Variants in HPCAL1 observed in about 807,000 individuals in gnomAD.
HPCAL1 encodes hippocalcin like 1.
Under a neutral mutation model 17.1 loss-of-function variants are expected in HPCAL1, and 8 were observed. The ratio of observed to expected loss-of-function variants is 0.47; its 90% CI spans 0.27 to 0.84. HPCAL1 has a LOEUF of 0.84. HPCAL1 is among the 40% of genes least tolerant of loss of function. The pLI is 0.13. For synonymous variants in HPCAL1, 112 were observed against 111.4 expected (o/e 1.01, Z -0.03); for missense variants, 165 against 271.1 (o/e 0.61, Z 2.75).
intron 1 of HPCAL1, among the ~76,000 whole-genome samples, chr2:10,391,822 T>C (rs1451714457): frequency 6.6e-6 from 1 of 151,882 alleles, no homozygotes; most frequent in Non-Finnish European, 1.5e-5. Flanking sequence ...GATCTCAGCT[T>C]ACTGCAACCT....
chr2:10,308,313 C>T (rs982868287), intron 1 of HPCAL1, among the ~76,000 whole-genome samples: 4 of 152,102 alleles, frequency 2.6e-5, no homozygotes, highest in Non-Finnish European at 4.4e-5. Flanking sequence ...TCTAAGTGTA[C>T]AGTTTAATGA....
At chr2:10,390,189 C>A (rs1668600920) in intron 1 of HPCAL1, among the ~76,000 whole-genome samples, 1 of 152,214 alleles carries the variant, frequency 6.6e-6, no homozygotes. Flanking sequence ...CAGACCTTCA[C>A]CTGTGTGAAG....
intron 1 of HPCAL1, among the ~76,000 whole-genome samples, chr2:10,375,565 G>T (rs1294357537): frequency 2.0e-5 from 3 of 152,220 alleles, no homozygotes; most frequent in African/African-American, 4.8e-5. Flanking sequence ...TTTGCAGTGT[G>T]GCGTGTTGGG....
intron 1 of HPCAL1, among the ~76,000 whole-genome samples, chr2:10,387,606 G>C (rs1022831123): frequency 6.6e-6 from 1 of 152,186 alleles, no homozygotes; most frequent in Non-Finnish European, 1.5e-5. Flanking sequence ...GTATCATTAC[G>C]AACACAACTT....
In HPCAL1 at chr2:10,377,499, C is replaced by T. The variant is rs1189029650; in HGVS notation, c.-110-19336C>T. 6.6e-6 allele frequency among the ~76,000 whole-genome samples: 1 copy of T among 152,158 alleles called. No individual in the cohort carries two copies. The highest frequency in any genetic ancestry group is 2.4e-5 in the African/African-American group (1 of 41,438). ...TGCCATCTGAGTGTCACGACCACAC[C>T]CCCATCCCTGTCCTTTCACGCACTG... On this transcript the variant is annotated intron_variant, in intron 1 of 4. Coordinates refer to ENST00000307845, the MANE Select transcript of HPCAL1 (RefSeq NM_002149.4). The surrounding 1 kb of genome is among the most constrained non-coding windows in gnomAD (Gnocchi z 5.9).
chr2:10,308,402 T>C, intron 1 of HPCAL1, among the ~76,000 whole-genome samples: 1 of 152,166 alleles, frequency 6.6e-6, no homozygotes. Context: ...GAAAGATCCC[T>C]CTTTTGTACA....
intron 2 of HPCAL1, among the ~76,000 whole-genome samples, chr2:10,413,977 C>T (rs530227148): frequency 2.0e-5 from 3 of 152,388 alleles, no homozygotes; most frequent in African/African-American, 4.8e-5. Context: ...ATCACCATGT[C>T]GCCCTTGCCT....
intron 2 of HPCAL1, among the ~76,000 whole-genome samples, chr2:10,411,712 T>C (rs1670367149): frequency 1.3e-5 from 2 of 152,164 alleles, no homozygotes; most frequent in Non-Finnish European, 2.9e-5. Context: ...CAGCCTGGAA[T>C]ACACTGAGCA....
Position 10,310,120 on chromosome 2 carries a change from T to C in HPCAL1, c.-111+6943T>C, listed in dbSNP as rs944209687. On this transcript the variant is annotated intron_variant, in intron 1 of 4. Coordinates refer to ENST00000307845, the MANE Select transcript of HPCAL1 (RefSeq NM_002149.4). This position sits in a 1 kb window ranked among gnomAD's most constrained non-coding sequence, Gnocchi z 4.5. Reference sequence around the variant, plus strand: ...GGGGTTTTAGGCTGAGCTCAGATATTGACAGGAACTACAATTCAAACCCAG... The same window carrying C: ...GGGGTTTTAGGCTGAGCTCAGATATCGACAGGAACTACAATTCAAACCCAG... 6.6e-6 allele frequency among the ~76,000 whole-genome samples: 1 copy of C among 152,160 alleles called. No homozygotes were observed. Among genetic ancestry groups the C allele is most frequent in the African/African-American group, 2.4e-5 (1 of 41,434 alleles).
chr2:10,374,308 C>A (rs201855467), intron 1 of HPCAL1, among the ~76,000 whole-genome samples: 6 of 148,864 alleles, frequency 4.0e-5, no homozygotes, highest in African/African-American at 4.9e-5. Flanking sequence ...AAATACAGGG[C>A]AAAAAAAAAA....
chr2:10,336,910 A>C (rs1255420453), intron 1 of HPCAL1, among the ~76,000 whole-genome samples: 1 of 152,006 alleles, frequency 6.6e-6, no homozygotes, highest in Non-Finnish European at 1.5e-5. Flanking sequence ...ACACCTGGGT[A>C]ATTTTTACTT....
chr2:10,412,529 C>T (rs541072483), intron 2 of HPCAL1, among the ~76,000 whole-genome samples: 1 of 152,230 alleles, frequency 6.6e-6, no homozygotes, highest in Non-Finnish European at 1.5e-5. Flanking sequence ...TATGGAGGCT[C>T]AGGCCAGAAG....
intron 1 of HPCAL1, among the ~76,000 whole-genome samples, chr2:10,324,045 G>GA (rs1456710375): frequency 6.6e-6 from 1 of 152,242 alleles, no homozygotes; most frequent in East Asian, 1.9e-4. Flanking sequence ...TCCAGTTAAT[G>GA]AAAATTTAAA....
intron 4 of HPCAL1, chr2:10,424,271 C>T: frequency 2.9e-6 from 1 of 342,064 alleles, no homozygotes; most frequent in Non-Finnish European, 5.9e-6. Context: ...GCAGCCAGGT[C>T]ACAGTTTCAA....
Position 10,384,769 on chromosome 2 carries a change from TTC to T in HPCAL1, c.-110-12062_-110-12061del, listed in dbSNP as rs1668202497. On this transcript the variant is annotated intron_variant, in intron 1 of 4. Coordinates refer to ENST00000307845, the MANE Select transcript of HPCAL1 (RefSeq NM_002149.4). The surrounding 1 kb of genome is among the most constrained non-coding windows in gnomAD (Gnocchi z 4.4). ...GCACTTTTAAAGAAAGCCTCAAGAC[TTC>T]TCTTTCTGATTGTGAAGTGAGCTGA... Among the ~76,000 whole-genome samples, 1 of 152,116 alleles carries T rather than the reference TTC, an allele frequency of 6.6e-6. No homozygotes were observed.
At chr2:10,424,264 G>T in intron 4 of HPCAL1, 1 of 343,670 alleles carries the variant, frequency 2.9e-6, no homozygotes, top group Non-Finnish European at 5.8e-6. Context: ...ATTCCAGGCA[G>T]CCAGGTCACA....
chr2:10,419,984 G>T lies in HPCAL1; in HGVS notation c.227G>T (p.Gly76Val), dbSNP rs149639705. ...EHVFRTFDTN[G>V]DGTIDFREFI... The stretch of plus-strand genomic sequence containing the variant: ...GTCTTCCGCACCTTCGACACCAACG[G>T]CGACGGCACCATCGACTTCCGGGAG... The change falls in exon 3 of 5, where the codon GGC becomes GTC. Residue 76 changes from glycine (G) to valine (V), a missense_variant. Coordinates refer to ENST00000307845, the MANE Select transcript of HPCAL1 (RefSeq NM_002149.4). This position sits in a 1 kb window ranked among gnomAD's most constrained non-coding sequence, Gnocchi z 5.0. 4 of 1,613,880 alleles carry T rather than the reference G, an allele frequency of 2.5e-6. No homozygotes were observed. The African/African-American group carries it at 5.3e-5, about 22-fold the overall frequency.
intron 1 of HPCAL1, among the ~76,000 whole-genome samples, chr2:10,340,380 A>T (rs567133978): frequency 3.9e-5 from 6 of 152,322 alleles, no homozygotes; most frequent in African/African-American, 7.2e-5. Context: ...GTTGCTAAGA[A>T]CTGTGCCACT....
chr2:10,304,085 C>T lies in HPCAL1; in HGVS notation c.-111+908C>T, dbSNP rs1377154561. On this transcript the variant is annotated intron_variant, in intron 1 of 4. Transcript: ENST00000307845. This position sits in a 1 kb window ranked among gnomAD's most constrained non-coding sequence, Gnocchi z 4.1. ...AACTTAACCGCGAAGCACTGAGATTCGAGAAAGTTTAGCTGCCAGCTGCGC... is the reference window on the plus strand; with the variant it reads ...AACTTAACCGCGAAGCACTGAGATTTGAGAAAGTTTAGCTGCCAGCTGCGC... 2.6e-5 allele frequency: 4 copies of T among 152,154 alleles called. No homozygotes were observed. The highest frequency in any genetic ancestry group is 6.5e-5 in the Admixed American group (1 of 15,286). 9.4% of individuals were successfully genotyped at this position (152,154 alleles called of 1,614,324 possible).
Sources: gnomAD v4.1 joint callset for allele counts (sites outside exome capture counted in the v4.1 genomes callset) on GRCh38, gnomAD v4.1.1 for gene constraint, Gnocchi (gnomAD v3.1) non-coding constraint, MANE v1.5 for transcripts, NCBI Gene and HGNC (gene_info 2026-07-23, HGNC 2026-07-21) for gene names.